The following ENPP2 variants were observed in gnomAD, a reference collection of about 807,000 sequenced individuals.
The protein encoded by ENPP2 is autotaxin.
A neutral mutation model predicts 120.2 loss-of-function variants in ENPP2; 51 were observed. The observed-to-expected ratio is 0.42, with a 90% CI of 0.34 to 0.54. The LOEUF is 0.54. Ranked by LOEUF, ENPP2 falls within the 20% of genes least tolerant of loss-of-function variation. The pLI is 0.04. For missense variants in ENPP2, 920 were observed against 1,066.5 expected, an observed-to-expected ratio of 0.86 and a Z score of 1.91; for synonymous variants, 365 against 366.4, an observed-to-expected ratio of 1.00 and a Z score of 0.04.
intron 13 of ENPP2, among the ~76,000 whole-genome samples, chr8:119,588,108 A>G (rs1441740901): frequency 6.6e-6 from 1 of 152,176 alleles, no homozygotes; most frequent in African/African-American, 2.4e-5. Context: ...CTTAGCTCTA[A>G]AGCTTGAAAT....
At chr8:119,617,108 G>A in intron 7 of ENPP2, 56 bp downstream of exon 7, 1 of 1,094,418 alleles carries the variant, frequency 9.1e-7, no homozygotes, top group Non-Finnish European at 1.4e-6. Context: ...CTCCTTTAAA[G>A]TCATTCCAGG....
At chr8:119,577,113 T>C (rs1219431041) in intron 19 of ENPP2, among the ~76,000 whole-genome samples, 3 of 152,232 alleles carry the variant, frequency 2.0e-5, no homozygotes, top group Non-Finnish European at 4.4e-5. Flanking sequence ...AACAGTCACA[T>C]ATAAATGTTA....
intron 9 of ENPP2, 35 bp from the exon 10 acceptor site, chr8:119,601,497 G>A (rs1587445350): frequency 6.3e-7 from 1 of 1,579,950 alleles, no homozygotes; most frequent in Non-Finnish European, 8.7e-7. Flanking sequence ...ATGTTGTTAG[G>A]TTTCATTTCC....
chr8:119,628,437 C>CA (rs540317585), intron 2 of ENPP2, among the ~76,000 whole-genome samples: 19 of 152,078 alleles, frequency 1.2e-4, no homozygotes, highest in Non-Finnish European at 2.4e-4. Flanking sequence ...GCTACATGTA[C>CA]AAAAAATGTC....
intron 1 of ENPP2, among the ~76,000 whole-genome samples, chr8:119,663,456 A>G (rs893810933): frequency 6.6e-6 from 1 of 152,192 alleles, no homozygotes; most frequent in African/African-American, 2.4e-5. Context: ...TTTATCTGAA[A>G]CTGAAATTTA....
At chr8:119,645,579 C>T (rs1817420670) in intron 1 of ENPP2, among the ~76,000 whole-genome samples, 1 of 152,102 alleles carries the variant, frequency 6.6e-6, no homozygotes, top group African/African-American at 2.4e-5. Context: ...AATCCCAGTA[C>T]TTTGGGAGGC....
intron 20 of ENPP2, among the ~76,000 whole-genome samples, chr8:119,569,787 G>A (rs1814810483): frequency 7.0e-6 from 1 of 142,770 alleles, no homozygotes; most frequent in African/African-American, 2.6e-5. Context: ...GAATGTACAA[G>A]AACATACGTA....
rs764504735 is a variant in ENPP2 at position 119,582,482 on chromosome 8, C to T, written c.1664G>A (p.Gly555Glu). Residue 555 changes from glycine (G) to glutamate (E), a missense_variant, in exon 18 of 25, where the codon GGG (glycine) becomes GAG (glutamate). Transcript: ENST00000075322. ...AAAATCAGACTGAAGGTACATAATCCCTGGATAATTGGGTCTGGTAACTTC... is the reference window on the plus strand; with the variant it reads ...AAAATCAGACTGAAGGTACATAATCTCTGGATAATTGGGTCTGGTAACTTC... ...PEEVTRPNYPGIMYLQSDFDL... is the reference protein window; with the variant it reads ...PEEVTRPNYPEIMYLQSDFDL... The T allele has an allele frequency of 1.2e-6, 2 of 1,614,032 alleles. No individual in the cohort carries two copies. Among genetic ancestry groups the T allele is most frequent in the Non-Finnish European group, 1.7e-6 (2 of 1,179,974 alleles).
exon 1 of ENPP2, chr8:119,673,370 C>G: frequency 7.2e-7 from 1 of 1,389,046 alleles, no homozygotes; most frequent in Non-Finnish European, 9.8e-7. Context: ...ACGGCTGCTG[C>G]GGACTGCTCT....
intron 1 of ENPP2, among the ~76,000 whole-genome samples, chr8:119,645,139 G>T (rs1026414946): frequency 1.9e-4 from 29 of 152,010 alleles, no homozygotes; most frequent in African/African-American, 6.5e-4. Context: ...AAGAGTATGG[G>T]GCATCTCCAG....
intron 22 of ENPP2, among the ~76,000 whole-genome samples, chr8:119,565,967 C>G (rs145363007): frequency 1.6e-4 from 24 of 152,296 alleles, no homozygotes; most frequent in African/African-American, 4.3e-4. Context: ...CCACCATGGT[C>G]TTTGCCTACC....
rs200364301 is a variant in ENPP2, at chr8:119,619,297, C to T, written c.426G>A (p.Ser142=). Residue 142 remains serine, a synonymous_variant, in exon 5 of 25, where the codon TCG becomes TCA. Coordinates refer to ENST00000075322, the MANE Select transcript of ENPP2 (RefSeq NM_001040092.3). ...TNYQVVCKGE[S]HWVDDDCEEI... ...CCTCACAGTCATCATCAACCCAATG[C>T]GACTCTCCTATAAGGAAAAATGGGT... 101 of 1,608,918 alleles carry T rather than the reference C, an allele frequency of 6.3e-5. No homozygotes were observed. The highest frequency in any genetic ancestry group is 3.3e-4 in the Middle Eastern group (2 of 6,072).
chr8:119,579,252 TG>T (rs1379220212), intron 19 of ENPP2, among the ~76,000 whole-genome samples: 1 of 152,080 alleles, frequency 6.6e-6, no homozygotes, highest in African/African-American at 2.4e-5. Flanking sequence ...CTCCACCCAT[TG>T]CCATATGACT....
chr8:119,562,927 T>C lies in ENPP2; in HGVS notation c.2351A>G (p.Lys784Arg), dbSNP rs1235355369. 1 of 1,614,126 alleles carries C rather than the reference T, an allele frequency of 6.2e-7. No homozygotes were observed. The highest frequency in any genetic ancestry group is 1.7e-5 in the Admixed American group (1 of 60,022). ...GGACACAGAGAGAGGGCCGTCACAC[T>C]TGTCGGCAGGCTGAGTGAAATCCAG... Reference protein sequence around the residue: ...SCLDFTQPADKCDGPLSVSSF... With the variant: ...SCLDFTQPADRCDGPLSVSSF... Residue 784 changes from lysine to arginine, a missense_variant, in exon 24 of 25, where the codon AAG becomes AGG. Physicochemically the swap from Lys to Arg is conservative, Grantham distance 26 (BLOSUM62 2). Transcript: ENST00000075322.
At chr8:119,562,029 C>T (rs568500924) in intron 24 of ENPP2, among the ~76,000 whole-genome samples, 4 of 151,988 alleles carry the variant, frequency 2.6e-5, no homozygotes, top group East Asian at 3.9e-4. Context: ...CCCAGCTACT[C>T]GGGAGGCTGA....
intron 24 of ENPP2, among the ~76,000 whole-genome samples, chr8:119,559,385 G>A (rs1464750140): frequency 6.6e-6 from 1 of 152,154 alleles, no homozygotes; most frequent in East Asian, 1.9e-4. Context: ...GGGTGAAAAG[G>A]TTTTTCCTAA....
upstream of ENPP2, among the ~76,000 whole-genome samples, chr8:119,639,814 A>G (rs1417220562): frequency 1.3e-5 from 2 of 152,244 alleles, no homozygotes; most frequent in African/African-American, 4.8e-5. Context: ...AAGTTTCTTT[A>G]CTAAGCAATT....
At chr8:119,667,734 G>A (rs1320928817) in intron 1 of ENPP2, among the ~76,000 whole-genome samples, 1 of 152,122 alleles carries the variant, frequency 6.6e-6, no homozygotes, top group Admixed American at 6.5e-5. Context: ...CCAACTCATT[G>A]TTCATACTGC....
intron 1 of ENPP2, among the ~76,000 whole-genome samples, chr8:119,646,763 T>C (rs1817480484): frequency 6.6e-6 from 1 of 152,192 alleles, no homozygotes; most frequent in Non-Finnish European, 1.5e-5. Flanking sequence ...TTTTCTTAAT[T>C]AGAGAACTAT....
Sources: allele counts gnomAD v4.1 joint callset (sites outside exome capture counted in the v4.1 genomes callset), GRCh38; gene constraint gnomAD v4.1.1; transcripts MANE v1.5; gene names NCBI Gene and HGNC (gene_info 2026-07-23, HGNC 2026-07-21).